Variants in ADIPOR2 observed in about 807,000 individuals in gnomAD.
ADIPOR2 encodes adiponectin receptor 2.
In ADIPOR2, 18 loss-of-function variants were observed where a neutral mutation model predicts 40.9. That is an observed-to-expected ratio of 0.44 (90% CI 0.30 to 0.65). The LOEUF is 0.65. Among genes scored for constraint, ADIPOR2 ranks in the 30% least tolerant of loss-of-function variants. The pLI is 0.09. For synonymous variants in ADIPOR2, 165 were observed against 166.4 expected (o/e 0.99, Z 0.06); for missense variants, 283 against 479.2 (o/e 0.59, Z 3.82).
intron 1 of ADIPOR2, among the ~76,000 whole-genome samples, chr12:1,745,898 G>A (rs1240263833): frequency 6.6e-6 from 1 of 152,112 alleles, no homozygotes; most frequent in Non-Finnish European, 1.5e-5. Flanking sequence ...TTCATGCATA[G>A]TGTTTTCATA....
At chr12:1,778,103 A>G (rs1238639655) in intron 4 of ADIPOR2, 78 bp downstream of exon 4, 53 of 1,437,960 alleles carry the variant, frequency 3.7e-5, no homozygotes, top group Non-Finnish European at 4.8e-5. Context: ...GGGTAAGCAC[A>G]GAACTTCAGA....
At chr12:1,702,602 GTTC>G (rs199919322) in intron 1 of ADIPOR2, among the ~76,000 whole-genome samples, 6,797 of 152,120 alleles carry the variant, frequency 0.045, 245 homozygotes, top group East Asian at 0.17. Context: ...TGAATTGGCT[GTTC>G]TTTTCCTTCC....
At chr12:1,749,109 A>G (rs1342680914) in intron 1 of ADIPOR2, among the ~76,000 whole-genome samples, 1 of 152,196 alleles carries the variant, frequency 6.6e-6, no homozygotes. Flanking sequence ...AGTTTATTAT[A>G]AAGAATATTG....
Position 1,755,812 on chromosome 12 carries a change from G to A in ADIPOR2, c.171+1298G>A, listed in dbSNP as rs970443103. 3.9e-5 allele frequency among the ~76,000 whole-genome samples: 6 copies of A among 152,218 alleles called. No homozygotes were observed. The South Asian group carries it at 1.2e-3, about 32-fold the overall frequency. On this transcript the variant is annotated intron_variant, in intron 2 of 7. Coordinates refer to ENST00000357103, the MANE Select transcript of ADIPOR2 (RefSeq NM_024551.3). Reference sequence around the variant, plus strand: ...TTTGAAATTAATTGTATTATAAAGTGTTAAAAATTAAAGATCAAAATAGAA... The same window carrying A: ...TTTGAAATTAATTGTATTATAAAGTATTAAAAATTAAAGATCAAAATAGAA...
At chr12:1,756,131 C>T (rs1216174092) in intron 2 of ADIPOR2, among the ~76,000 whole-genome samples, 4 of 151,778 alleles carry the variant, frequency 2.6e-5, no homozygotes, top group Admixed American at 2.0e-4. Context: ...CTTCTTTCAT[C>T]TTCTCCTTTA....
At chr12:1,760,046 A>G (rs960203739) in intron 2 of ADIPOR2, among the ~76,000 whole-genome samples, 1 of 151,684 alleles carries the variant, frequency 6.6e-6, no homozygotes, top group Admixed American at 6.6e-5. Flanking sequence ...AAACAAACAA[A>G]ACAAAACAAA....
intron 2 of ADIPOR2, among the ~76,000 whole-genome samples, chr12:1,759,257 C>T (rs773073210): frequency 3.3e-5 from 5 of 152,320 alleles, no homozygotes; most frequent in African/African-American, 9.6e-5. Flanking sequence ...TATCATAGTA[C>T]AGTCATTCAC....
Position 1,704,112 on chromosome 12 carries a change from T to G in ADIPOR2, c.-87+12921T>G, listed in dbSNP as rs567917576. 2.2e-4 allele frequency among the ~76,000 whole-genome samples: 33 copies of G among 149,992 alleles called. No homozygotes were observed. The East Asian group carries it at 6.6e-3, about 30-fold the overall frequency. On this transcript the variant is annotated intron_variant, in intron 1 of 7. Coordinates refer to ENST00000357103, the MANE Select transcript of ADIPOR2 (RefSeq NM_024551.3). ...TGTGAGGCAGGGATCAAATTTAATT[T>G]TATTATATGTATACCCAATAACCAT... is the stretch of plus-strand genomic sequence containing the variant.
Position 1,780,970 on chromosome 12 carries a change from A to G in ADIPOR2, c.732A>G (p.Gln244=), listed in dbSNP as rs1862705773. The change falls in exon 6 of 8, where the codon CAA becomes CAG. Residue 244 remains glutamine (Q), a synonymous_variant. Transcript: ENST00000357103. The part of the protein sequence containing the change: ...WLYYSFYCNP[Q]PCFIYLIVIC... ...ATTATTCTTTCTACTGTAATCCACAACCTTGCTTCATCTACTTGATTGTCA... is the reference window on the plus strand; with the variant it reads ...ATTATTCTTTCTACTGTAATCCACAGCCTTGCTTCATCTACTTGATTGTCA... 2 of 1,613,758 alleles carry G rather than the reference A, an allele frequency of 1.2e-6. No individual in the cohort carries two copies. Among genetic ancestry groups the G allele is most frequent in the Non-Finnish European group, 8.5e-7 (1 of 1,179,920 alleles).
chr12:1,786,634 A>G lies in ADIPOR2; in HGVS notation c.*562A>G, dbSNP rs555902485. On this transcript the variant is annotated 3_prime_UTR_variant, in exon 8 of 8. Coordinates refer to ENST00000357103, the MANE Select transcript of ADIPOR2 (RefSeq NM_024551.3). Reference sequence around the variant, plus strand: ...GGAGGGAGGGAGAATTTTTGTATAGAATGAAACATGCAAGTACCACACACT... The same window carrying G: ...GGAGGGAGGGAGAATTTTTGTATAGGATGAAACATGCAAGTACCACACACT... The G allele has an allele frequency of 6.5e-6, 1 of 153,164 alleles. No individual in the cohort carries two copies. The highest frequency in any genetic ancestry group is 2.4e-5 in the African/African-American group (1 of 41,578). 9.5% of individuals were successfully genotyped at this position (153,164 alleles called of 1,614,324 possible). A position where few individuals can be genotyped will look rare whatever the true frequency, so the allele number is the denominator to read the frequency against.
At chr12:1,745,127 TCAA>T (rs1169657355) in intron 1 of ADIPOR2, among the ~76,000 whole-genome samples, 59 of 152,322 alleles carry the variant, frequency 3.9e-4, no homozygotes, top group African/African-American at 1.4e-3. Context: ...GTGGTGAAAG[TCAA>T]CAAGATTCCT....
At chr12:1,738,427 T>C (rs1249213998) in intron 1 of ADIPOR2, among the ~76,000 whole-genome samples, 1 of 152,136 alleles carries the variant, frequency 6.6e-6, no homozygotes, top group African/African-American at 2.4e-5. Flanking sequence ...TAAATTTAAC[T>C]CTGTATTGAG....
intron 1 of ADIPOR2, among the ~76,000 whole-genome samples, chr12:1,748,485 T>C (rs1034826992): frequency 6.6e-6 from 1 of 152,122 alleles, no homozygotes; most frequent in African/African-American, 2.4e-5. Context: ...CCTGACCTTG[T>C]GATCTGCCCA....
chr12:1,761,652 C>A (rs542304468), intron 2 of ADIPOR2, among the ~76,000 whole-genome samples: 2 of 152,182 alleles, frequency 1.3e-5, no homozygotes, highest in Admixed American at 1.3e-4. Flanking sequence ...TAAGTATTAA[C>A]CTCTTTGAGG....
intron 1 of ADIPOR2, among the ~76,000 whole-genome samples, chr12:1,742,884 G>T (rs2094745970): frequency 6.6e-6 from 1 of 152,182 alleles, no homozygotes; most frequent in Admixed American, 6.5e-5. Flanking sequence ...TGTGATAGCA[G>T]CCTTCTTTTA....
At chr12:1,714,157 C>T (rs2094683203) in intron 1 of ADIPOR2, among the ~76,000 whole-genome samples, 1 of 152,078 alleles carries the variant, frequency 6.6e-6, no homozygotes, top group Non-Finnish European at 1.5e-5. Context: ...TTAAAGTGTC[C>T]TTGCAAACCA....
intron 1 of ADIPOR2, among the ~76,000 whole-genome samples, chr12:1,735,191 G>A (rs1245022555): frequency 6.6e-6 from 1 of 152,134 alleles, no homozygotes; most frequent in Non-Finnish European, 1.5e-5. Context: ...TGGGCAGTAC[G>A]GCCATTTTCA....
chr12:1,747,871 C>A (rs1291195549), intron 1 of ADIPOR2, among the ~76,000 whole-genome samples: 1 of 151,228 alleles, frequency 6.6e-6, no homozygotes, highest in Non-Finnish European at 1.5e-5. Context: ...CTTTGACTTT[C>A]AACATTTTTA....
intron 6 of ADIPOR2, among the ~76,000 whole-genome samples, chr12:1,782,394 G>A (rs570097620): frequency 6.6e-6 from 1 of 152,216 alleles, no homozygotes; most frequent in Non-Finnish European, 1.5e-5. Flanking sequence ...TGTTTTGCAA[G>A]GGTCATTGTT....
Sources: gnomAD v4.1 joint callset for allele counts (sites outside exome capture counted in the v4.1 genomes callset) on GRCh38, gnomAD v4.1.1 for gene constraint, MANE v1.5 for transcripts, NCBI Gene and HGNC (gene_info 2026-07-23, HGNC 2026-07-21) for gene names.